ARFGEF2: variants seen among roughly 807,000 people sequenced by gnomAD.
ARFGEF2 encodes the protein ARF guanine nucleotide exchange factor 2, also known as brefeldin A-inhibited guanine nucleotide-exchange protein 2.
A neutral mutation model predicts 219.9 loss-of-function variants in ARFGEF2; 74 were observed. The observed-to-expected ratio is 0.34, with a 90% CI of 0.28 to 0.41. The LOEUF (loss-of-function observed/expected upper bound fraction) is 0.41, where lower values mean the gene tolerates loss of function less well. ARFGEF2 is among the 10% of genes least tolerant of loss of function. ARFGEF2 has a pLI of 1.00. For missense variants in ARFGEF2, 1,743 were observed against 2,218.3 expected, an observed-to-expected ratio of 0.79 and a Z score of 4.30; for synonymous variants, 733 against 799.2, an observed-to-expected ratio of 0.92 and a Z score of 1.40.
At chr20:49,023,307 A>G (rs2123557678) in intron 35 of ARFGEF2, 126 bp downstream of exon 35, 1 of 1,288,514 alleles carries the variant, frequency 7.8e-7, no homozygotes, top group East Asian at 2.5e-5. Flanking sequence ...TTCCAACCTC[A>G]CATTCAGTGA....
chr20:48,974,937 C>A, intron 13 of ARFGEF2, 63 bp downstream of exon 13: 1 of 1,355,554 alleles, frequency 7.4e-7, no homozygotes, highest in Non-Finnish European at 1.0e-6. Flanking sequence ...CTGCTAGGAA[C>A]AGTTGTCTTA....
rs2091449001 is a variant in ARFGEF2, at chr20:49,005,000, G to A, written c.3433-70G>A. The A allele has an allele frequency of 2.6e-6, 4 of 1,556,690 alleles. No individual in the cohort carries two copies. The South Asian group carries it at 3.3e-5, about 13-fold the overall frequency. On this transcript the variant is annotated intron_variant, in intron 25 of 38. Transcript: ENST00000371917. ...TTTTGAAGGTAGGCTGTCCATCTTT[G>A]CTGTTGAGAGACCCACGTCGGTCAT...
At chr20:48,981,803 A>G (rs2091297537) in intron 14 of ARFGEF2, among the ~76,000 whole-genome samples, 1 of 152,146 alleles carries the variant, frequency 6.6e-6, no homozygotes, top group South Asian at 2.1e-4. Flanking sequence ...TGCGTCATGT[A>G]GTTCTCATGC....
At position 48,953,781 on chromosome 20, in the gene ARFGEF2, T is replaced by C. The variant is rs1283637181; in HGVS notation, c.829T>C (p.Ser277Pro). The C allele has an allele frequency of 6.2e-7, 1 of 1,613,920 alleles. No homozygotes were observed. Among genetic ancestry groups the C allele is most frequent in the Non-Finnish European group, 8.5e-7 (1 of 1,179,972 alleles). The change falls in exon 6 of 39, where the codon TCA becomes CCA. Residue 277 changes from serine to proline, a missense_variant. By Grantham distance (74) the Ser-to-Pro change is moderately conservative. This residue lies in a region of ARFGEF2 where 394 missense variants were observed against 426.6 expected (regional missense o/e 0.92). Coordinates refer to ENST00000371917, the MANE Select transcript of ARFGEF2 (RefSeq NM_006420.3). ...AGACGCACCCAGAGAAAGAGGCTCA[T>C]CACTGTCAGGTACGGGCTGATACGG... ...NGDAPRERGS[S>P]LSGTDDGAQE...
intron 28 of ARFGEF2, among the ~76,000 whole-genome samples, chr20:49,012,552 G>A (rs903256017): frequency 5.9e-5 from 9 of 152,148 alleles, no homozygotes; most frequent in Admixed American, 2.6e-4. Flanking sequence ...AGGCCTATTT[G>A]GTTTAAATGA....
intron 36 of ARFGEF2, among the ~76,000 whole-genome samples, chr20:49,025,702 G>A (rs546695581): frequency 1.2e-4 from 18 of 152,298 alleles, no homozygotes; most frequent in South Asian, 4.1e-4. Context: ...GGCCGGATGC[G>A]GTGGTCCATG....
rs148770948 is a variant in ARFGEF2, at chr20:48,995,790, G to T, written c.3129G>T (p.Leu1043Phe). ...EEFMGLGLGNLVSGGVDKRQM... is the reference protein window; with the variant it reads ...EEFMGLGLGNFVSGGVDKRQM... ...TTGTGCATTGTGTTTCAGGTAATTTGGTGAGTGGCGGAGTGGATAAAAGAC... is the reference window on the plus strand; with the variant it reads ...TTGTGCATTGTGTTTCAGGTAATTTTGTGAGTGGCGGAGTGGATAAAAGAC... Residue 1043 changes from leucine to phenylalanine, a missense_variant, in exon 23 of 39, where the codon TTG (leucine) becomes TTT (phenylalanine). Around this residue, in one of 5 missense-constraint regions of ARFGEF2, gnomAD observed 666 missense variants for 955.4 expected, o/e 0.70. Transcript: ENST00000371917. 1.1e-4 allele frequency: 175 copies of T among 1,614,032 alleles called. No individual in the cohort carries two copies. In the African/African-American group the frequency reaches 2.1e-3, roughly 19 times the overall value.
chr20:48,923,295 T>G (rs2090854919), intron 1 of ARFGEF2, among the ~76,000 whole-genome samples: 1 of 152,226 alleles, frequency 6.6e-6, no homozygotes. Context: ...TCACATAGTT[T>G]GAGATTGTTA....
In ARFGEF2 at chr20:48,928,683, A is replaced by T. The variant is rs1443030047; in HGVS notation, c.121+6673A>T. ...CTAATTTTTTGTATTTTTAGTAGAG[A>T]CGGGGTTTCACCGTGTTAGCCAGGA... On this transcript the variant is annotated intron_variant, in intron 1 of 38. Transcript: ENST00000371917. Among the ~76,000 whole-genome samples, 10 of 148,354 alleles carry T rather than the reference A, an allele frequency of 6.7e-5. No homozygotes were observed. In the East Asian group the frequency reaches 2.0e-3, roughly 29 times the overall value.
chr20:49,022,213 A>G (rs1026918422), intron 34 of ARFGEF2, among the ~76,000 whole-genome samples: 4 of 151,944 alleles, frequency 2.6e-5, no homozygotes, highest in Admixed American at 1.3e-4. Flanking sequence ...ACTAAGAGGA[A>G]TAAAAGACCA....
chr20:49,024,841 C>T (rs1348002100), intron 35 of ARFGEF2, among the ~76,000 whole-genome samples: 2 of 152,018 alleles, frequency 1.3e-5, no homozygotes, highest in African/African-American at 2.4e-5. Flanking sequence ...ACTAAAAATA[C>T]AAAAATGAGC....
chr20:49,036,272 CAAAG>C lies in ARFGEF2; in HGVS notation c.*3077_*3080del, dbSNP rs902979274. Reference sequence around the variant, plus strand: ...ATCAGCAGCTTTGCAGTTTGGGAAACAAAGAAACCAAAGCTGAGTGTTTTAAAGA... The same window carrying C: ...ATCAGCAGCTTTGCAGTTTGGGAAACAAACCAAAGCTGAGTGTTTTAAAGA... On this transcript the variant is annotated 3_prime_UTR_variant, in exon 39 of 39. Transcript: ENST00000371917. 17 of 398,238 alleles carry C rather than the reference CAAAG, an allele frequency of 4.3e-5. 1 individual carries two copies. The East Asian group carries it at 4.3e-4, about 10-fold the overall frequency. 24.7% of individuals were successfully genotyped at this position (398,238 alleles called of 1,614,324 possible). A position where few individuals can be genotyped will look rare whatever the true frequency, so the allele number is the denominator to read the frequency against.
In ARFGEF2 at chr20:49,025,301, C is replaced by G; in HGVS notation, c.4756-12C>G. Reference sequence around the variant, plus strand: ...CTTCATTAGCTCTTCTATCCTCTGTCCTGTCCTCTAGCAAGACACGCTGGA... The same window carrying G: ...CTTCATTAGCTCTTCTATCCTCTGTGCTGTCCTCTAGCAAGACACGCTGGA... On this transcript the variant is annotated splice_polypyrimidine_tract_variant and intron_variant, in intron 35 of 38. Transcript: ENST00000371917. 6.2e-7 allele frequency: 1 copy of G among 1,604,882 alleles called. No individual in the cohort carries two copies. Among genetic ancestry groups the G allele is most frequent in the Non-Finnish European group, 8.5e-7 (1 of 1,175,286 alleles).
chr20:48,947,843 G>A (rs749804200), intron 3 of ARFGEF2, among the ~76,000 whole-genome samples: 14 of 152,266 alleles, frequency 9.2e-5, no homozygotes, highest in Non-Finnish European at 8.8e-5. Context: ...GTGACAGAGT[G>A]AGACCCCATC....
intron 26 of ARFGEF2, among the ~76,000 whole-genome samples, chr20:49,009,091 A>C (rs1015163117): frequency 1.2e-4 from 19 of 152,234 alleles, no homozygotes; most frequent in Non-Finnish European, 2.5e-4. Flanking sequence ...AGGCAAAAAA[A>C]CATTATAATA....
chr20:49,014,420 A>T (rs2091518407), intron 30 of ARFGEF2, among the ~76,000 whole-genome samples: 1 of 152,030 alleles, frequency 6.6e-6, no homozygotes, highest in Non-Finnish European at 1.5e-5. Context: ...AGGTACAGGG[A>T]TAGTGAAAGG....
intron 2 of ARFGEF2, among the ~76,000 whole-genome samples, 184 bp downstream of exon 2, chr20:48,941,413 A>AGGCTACT (rs1173691036): frequency 6.6e-6 from 1 of 152,250 alleles, no homozygotes; most frequent in East Asian, 1.9e-4. Context: ...CTAGGTTCAC[A>AGGCTACT]GGCTACTGCC....
intron 16 of ARFGEF2, among the ~76,000 whole-genome samples, chr20:48,987,564 A>G (rs192601467): frequency 2.0e-5 from 3 of 152,302 alleles, no homozygotes; most frequent in African/African-American, 7.2e-5. Flanking sequence ...AGCACAGTAC[A>G]TGGCACAAAA....
At chr20:48,983,765 A>G (rs1045804013) in intron 14 of ARFGEF2, among the ~76,000 whole-genome samples, 10 of 152,164 alleles carry the variant, frequency 6.6e-5, no homozygotes, top group Non-Finnish European at 4.4e-5. Flanking sequence ...GCACTATCTA[A>G]ACAGGTCCCA....
Sources: allele counts gnomAD v4.1 joint callset (sites outside exome capture counted in the v4.1 genomes callset), GRCh38; gene constraint gnomAD v4.1.1; regional missense constraint gnomAD v4.1.1; transcripts MANE v1.5; gene names NCBI Gene and HGNC (gene_info 2026-07-23, HGNC 2026-07-21).